Variants in CCNH observed in about 807,000 individuals in gnomAD.
CCNH encodes cyclin-H.
Under a neutral mutation model 41.9 loss-of-function variants are expected in CCNH, and 31 were observed. The observed-to-expected ratio is 0.74, with a 90% CI of 0.56 to 1.00. CCNH has a LOEUF of 1.00. Among genes scored for constraint, CCNH ranks in the 50% least tolerant of loss-of-function variants. The probability of loss-of-function intolerance (pLI) is 0.00; values close to 1 mark genes in which losing one functional copy is unlikely to be tolerated. For synonymous variants in CCNH, 138 were observed against 136.1 expected, an observed-to-expected ratio of 1.01 and a Z score of -0.10; for missense variants, 362 against 388.4, an observed-to-expected ratio of 0.93 and a Z score of 0.57.
chr5:87,359,353 G>A (rs1385209008), intron 9 of CCNH, among the ~76,000 whole-genome samples: 1 of 152,178 alleles, frequency 6.6e-6, no homozygotes, highest in Non-Finnish European at 1.5e-5. Context: ...CTCTCAGGCT[G>A]AGAAAAGGAA....
In CCNH at chr5:87,412,883, A is replaced by C; in HGVS notation, c.-89T>G. 2 of 1,548,436 alleles carry C rather than the reference A, an allele frequency of 1.3e-6. No homozygotes were observed. The highest frequency in any genetic ancestry group is 8.7e-7 in the Non-Finnish European group (1 of 1,143,190). ...CGTAAAACACCCGTACCCCCACCGA[A>C]GATCTCGCGGAAGCCTAGGGCGTCC... On this transcript the variant is annotated 5_prime_UTR_variant, in exon 1 of 9. Coordinates refer to ENST00000256897, the MANE Select transcript of CCNH (RefSeq NM_001239.4).
downstream of CCNH, among the ~76,000 whole-genome samples, chr5:87,313,949 C>T (rs532981702): frequency 2.7e-4 from 41 of 151,936 alleles, no homozygotes; most frequent in South Asian, 7.7e-3. Context: ...GGGCGGATCA[C>T]CTGAGGTCAG....
intron 5 of CCNH, among the ~76,000 whole-genome samples, chr5:87,402,213 TG>T (rs1763472741): frequency 6.6e-6 from 1 of 152,190 alleles, no homozygotes; most frequent in African/African-American, 2.4e-5. Flanking sequence ...TCCCTTAATA[TG>T]AAAGCCATTT....
At chr5:87,328,469 CTA>C (rs1757392508) in intron 9 of CCNH, among the ~76,000 whole-genome samples, 1 of 152,020 alleles carries the variant, frequency 6.6e-6, no homozygotes, top group South Asian at 2.1e-4. Flanking sequence ...ATTGCTGTGA[CTA>C]TTTGTAGAGG....
intron 9 of CCNH, chr5:87,353,070 A>C: frequency 9.6e-7 from 1 of 1,045,182 alleles, no homozygotes; most frequent in Admixed American, 2.0e-5. Flanking sequence ...CTAATTAGAT[A>C]ATCCTTGGCA....
intron 9 of CCNH, among the ~76,000 whole-genome samples, chr5:87,357,112 TCTGC>T (rs1759708197): frequency 6.6e-6 from 1 of 152,208 alleles, no homozygotes; most frequent in African/African-American, 2.4e-5. Context: ...AGTCTTCCTC[TCTGC>T]CTATCTAAAT....
At chr5:87,359,517 A>C (rs1759914275) in intron 9 of CCNH, among the ~76,000 whole-genome samples, 2 of 152,182 alleles carry the variant, frequency 1.3e-5, no homozygotes, top group Non-Finnish European at 2.9e-5. Context: ...ATAGATTCCA[A>C]GATCTATATA....
At chr5:87,394,936 C>T (rs748231147) in intron 8 of CCNH, 108 bp downstream of exon 8, 113 of 1,556,830 alleles carry the variant, frequency 7.3e-5, no homozygotes, top group Non-Finnish European at 9.3e-5. Context: ...ATGAAAAAAC[C>T]CACAACTCTA....
chr5:87,396,719 A>G (rs1762994581), intron 7 of CCNH, among the ~76,000 whole-genome samples: 1 of 152,212 alleles, frequency 6.6e-6, no homozygotes, highest in Non-Finnish European at 1.5e-5. Context: ...GGAAAGTTCA[A>G]TGTCCCATAA....
chr5:87,315,563 AT>A (rs1756263572), downstream of CCNH, among the ~76,000 whole-genome samples: 1 of 152,214 alleles, frequency 6.6e-6, no homozygotes, highest in African/African-American at 2.4e-5. Context: ...TTTTAAAAAA[AT>A]CTTGTGTTTT....
chr5:87,322,673 A>G (rs1462851759), intron 9 of CCNH, among the ~76,000 whole-genome samples: 2 of 152,340 alleles, frequency 1.3e-5, no homozygotes, highest in Admixed American at 6.5e-5. Context: ...CTGCAGAACC[A>G]TGAGCCGCAA....
At chr5:87,333,442 C>A in intron 9 of CCNH, 7 of 1,519,188 alleles carry the variant, frequency 4.6e-6, no homozygotes, top group Non-Finnish European at 6.2e-6. Flanking sequence ...AAATGGCATA[C>A]AGCAAGGTGA....
intron 9 of CCNH, among the ~76,000 whole-genome samples, chr5:87,348,318 A>G (rs1164781271): frequency 1.3e-5 from 2 of 152,026 alleles, no homozygotes; most frequent in African/African-American, 4.8e-5. Flanking sequence ...ATATCTAATA[A>G]TCTAAGCATT....
intron 9 of CCNH, among the ~76,000 whole-genome samples, chr5:87,364,090 A>T (rs1231590426): frequency 6.6e-6 from 1 of 152,124 alleles, no homozygotes; most frequent in Non-Finnish European, 1.5e-5. Context: ...TTTCACCATT[A>T]GTATTATCAG....
At chr5:87,400,791 G>T (rs1325693556) in intron 6 of CCNH, among the ~76,000 whole-genome samples, 1 of 152,132 alleles carries the variant, frequency 6.6e-6, no homozygotes, top group African/African-American at 2.4e-5. Flanking sequence ...AGAAGGTTTG[G>T]AAACAAACAT....
In CCNH at chr5:87,358,101, A is replaced by C. The variant is rs542979063; in HGVS notation, c.*90+34669T>G. ...TAATCGCCAAATTGATTAGTTAGCA[A>C]ATCACCTCATCTTCCAATGAGGTGA... On this transcript the variant is annotated intron_variant and NMD_transcript_variant, in intron 9 of 9. Transcript: ENST00000645953. Among the ~76,000 whole-genome samples, 7 of 152,280 alleles carry C rather than the reference A, an allele frequency of 4.6e-5. No individual in the cohort carries two copies. The East Asian group carries it at 1.4e-3, about 29-fold the overall frequency.
At chr5:87,341,961 C>T (rs1373695559) in intron 9 of CCNH, among the ~76,000 whole-genome samples, 1 of 152,086 alleles carries the variant, frequency 6.6e-6, no homozygotes, top group Non-Finnish European at 1.5e-5. Flanking sequence ...ATTCAACTGA[C>T]TACTCCATTT....
chr5:87,338,544 T>TTTC lies in CCNH; in HGVS notation c.*91-19648_*91-19647insGAA, dbSNP rs1561292586. Reference sequence around the variant, plus strand: ...ATATATATATATATAAAATTTTTTTTTTTTTTAAGTAGAAATGGGGTTTTA... The same window carrying TTTC: ...ATATATATATATATAAAATTTTTTTTTTCTTTTTTAAGTAGAAATGGGGTTTTA... On this transcript the variant is annotated intron_variant and NMD_transcript_variant, in intron 9 of 9. Coordinates refer to the CCNH transcript ENST00000645953. 7.3e-5 allele frequency among the ~76,000 whole-genome samples: 10 copies of TTTC among 137,910 alleles called. No individual in the cohort carries two copies. In the East Asian group the frequency reaches 1.4e-3, roughly 19 times the overall value. 90.5% of individuals were successfully genotyped at this position (137,910 alleles called of 152,430 possible). A position where few individuals can be genotyped will look rare whatever the true frequency, so the allele number is the denominator to read the frequency against.
chr5:87,322,257 G>A (rs926877413), intron 9 of CCNH, among the ~76,000 whole-genome samples: 15 of 152,130 alleles, frequency 9.9e-5, no homozygotes, highest in Non-Finnish European at 1.5e-5. Context: ...ACAGGCAAGC[G>A]AGCATTACTG....
Sources: gnomAD v4.1 joint callset for allele counts (sites outside exome capture counted in the v4.1 genomes callset) on GRCh38, gnomAD v4.1.1 for gene constraint, MANE v1.5 for transcripts, NCBI Gene and HGNC (gene_info 2026-07-23, HGNC 2026-07-21) for gene names.